The following OSBPL11 variants were observed in gnomAD, a reference collection of about 807,000 sequenced individuals.
OSBPL11 encodes oxysterol binding protein like 11, also known as oxysterol-binding protein-related protein 11.
In OSBPL11, 33 loss-of-function variants were observed where a neutral mutation model predicts 84.4. That is an observed-to-expected ratio of 0.39 (90% CI 0.30 to 0.52). OSBPL11 has a LOEUF of 0.52. Among genes scored for constraint, OSBPL11 ranks in the 20% least tolerant of loss-of-function variants. OSBPL11 has a pLI of 0.72. For missense variants in OSBPL11, 736 were observed against 901.1 expected, an observed-to-expected ratio of 0.82 and a Z score of 2.35; for synonymous variants, 276 against 310.2, an observed-to-expected ratio of 0.89 and a Z score of 1.16.
chr3:125,552,355 G>C lies in OSBPL11; in HGVS notation c.1480C>G (p.Gln494Glu). ...HAPLSGESLT[Q>E]VGSDCYTVRF... ...ACTGTGTAACAGTCTGATCCCACCT[G>C]GGTCAAAGACTCCCCCGATAAAGGA... Residue 494 changes from glutamine to glutamate, a missense_variant, in exon 9 of 13, where the codon CAG (glutamine) becomes GAG (glutamate). By Grantham distance (29) the Gln-to-Glu change is conservative. Coordinates refer to ENST00000296220, the MANE Select transcript of OSBPL11 (RefSeq NM_022776.5). The C allele has an allele frequency of 6.2e-7, 1 of 1,613,994 alleles. No homozygotes were observed. Among genetic ancestry groups the C allele is most frequent in the Non-Finnish European group, 8.5e-7 (1 of 1,179,998 alleles).
At chr3:125,555,991 C>T (rs923877674) in intron 8 of OSBPL11, among the ~76,000 whole-genome samples, 1 of 152,152 alleles carries the variant, frequency 6.6e-6, no homozygotes, top group Admixed American at 6.6e-5. Context: ...CCACAAGTAA[C>T]AAATTCTATC....
At chr3:125,588,248 G>T (rs1168443966) in intron 1 of OSBPL11, among the ~76,000 whole-genome samples, 2 of 148,028 alleles carry the variant, frequency 1.4e-5, no homozygotes, top group East Asian at 3.9e-4. Flanking sequence ...AAAAAGAGAA[G>T]TTCAGTGCTA....
At chr3:125,543,910 A>G (rs996234687) in intron 10 of OSBPL11, among the ~76,000 whole-genome samples, 3 of 152,164 alleles carry the variant, frequency 2.0e-5, no homozygotes, top group East Asian at 3.8e-4. Context: ...AAAAATAAAA[A>G]TAAAAAAAAT....
intron 1 of OSBPL11, among the ~76,000 whole-genome samples, chr3:125,589,177 C>T (rs1036254800): frequency 3.3e-5 from 5 of 151,972 alleles, no homozygotes; most frequent in East Asian, 1.9e-4. Context: ...GGTGGAACCC[C>T]GTCTCTACCA....
intron 11 of OSBPL11, among the ~76,000 whole-genome samples, chr3:125,537,105 A>G (rs1466968379): frequency 6.8e-6 from 1 of 147,360 alleles, no homozygotes; most frequent in Non-Finnish European, 1.5e-5. Context: ...AGTTGCAGGG[A>G]GCCGAGATCG....
At position 125,556,288 on chromosome 3, in the gene OSBPL11, T is replaced by C. The variant is rs116712659; in HGVS notation, c.1156-3609A>G. Among the ~76,000 whole-genome samples, 566 of 152,304 alleles carry C rather than the reference T, an allele frequency of 3.7e-3. 1 individual carries two copies. Among genetic ancestry groups the C allele is most frequent in the African/African-American group, 0.013 (535 of 41,574 alleles). On this transcript the variant is annotated intron_variant, in intron 8 of 12. Transcript: ENST00000296220. Reference sequence around the variant, plus strand: ...CATCTTTTCAAACCTCAGGATAAAATAGCCTAGTGAAACTGATCCCAAGTG... The same window carrying C: ...CATCTTTTCAAACCTCAGGATAAAACAGCCTAGTGAAACTGATCCCAAGTG...
At chr3:125,548,043 A>AT (rs1340479378) in intron 9 of OSBPL11, among the ~76,000 whole-genome samples, 2 of 151,860 alleles carry the variant, frequency 1.3e-5, no homozygotes, top group Non-Finnish European at 2.9e-5. Flanking sequence ...TACCTAGCTA[A>AT]TTTTTTTGTA....
At chr3:125,545,312 T>C (rs1385407536) in intron 10 of OSBPL11, among the ~76,000 whole-genome samples, 1 of 152,232 alleles carries the variant, frequency 6.6e-6, no homozygotes, top group Non-Finnish European at 1.5e-5. Flanking sequence ...GGGAAGTATG[T>C]TGAGCATCAT....
intron 10 of OSBPL11, among the ~76,000 whole-genome samples, chr3:125,541,683 TCCA>T (rs1365069097): frequency 6.6e-6 from 1 of 152,176 alleles, no homozygotes; most frequent in Non-Finnish European, 1.5e-5. Flanking sequence ...GATCAAGCCA[TCCA>T]CCCGCCTCAA....
At position 125,580,025 on chromosome 3, in the gene OSBPL11, G is replaced by A; in HGVS notation, c.249C>T (p.Asn83=). The change falls in exon 3 of 13, where the codon AAC becomes AAT. Residue 83 remains asparagine, a synonymous_variant. Transcript: ENST00000296220. ...TGWQYRFFVL[N]NEAGLLEYFV... ...AGTACTCCAACAGCCCAGCTTCATT[G>A]TTTAAAACAAAAAACCTGTAATGAT... The A allele has an allele frequency of 1.2e-6, 2 of 1,605,522 alleles. No homozygotes were observed. Among genetic ancestry groups the A allele is most frequent in the Non-Finnish European group, 1.7e-6 (2 of 1,177,728 alleles).
intron 12 of OSBPL11, among the ~76,000 whole-genome samples, chr3:125,531,067 C>T (rs141514238): frequency 0.015 from 2,268 of 151,956 alleles, 22 homozygotes; most frequent in Non-Finnish European, 0.024. Flanking sequence ...CTGCAACCTC[C>T]GCCTCCCTGG....
At chr3:125,543,435 T>G (rs1367095064) in intron 10 of OSBPL11, among the ~76,000 whole-genome samples, 1 of 151,872 alleles carries the variant, frequency 6.6e-6, no homozygotes, top group African/African-American at 2.4e-5. Context: ...CCCAGCCTAG[T>G]AAGATATTTT....
intron 4 of OSBPL11, among the ~76,000 whole-genome samples, chr3:125,576,744 C>T (rs373972555): frequency 6.6e-6 from 1 of 151,386 alleles, no homozygotes; most frequent in South Asian, 2.1e-4. Context: ...AGTGCAGTGG[C>T]GTGATCTTGG....
intron 7 of OSBPL11, among the ~76,000 whole-genome samples, chr3:125,562,268 A>G (rs1024182431): frequency 9.9e-5 from 15 of 152,214 alleles, no homozygotes; most frequent in African/African-American, 2.9e-4. Flanking sequence ...CAAGCAGATT[A>G]TAAGTCTCTT....
chr3:125,530,449 C>T lies in OSBPL11; in HGVS notation c.*66G>A, dbSNP rs573410943. 13 of 1,431,164 alleles carry T rather than the reference C, an allele frequency of 9.1e-6. No individual in the cohort carries two copies. The East Asian group carries it at 2.7e-4, about 30-fold the overall frequency. 88.7% of individuals were successfully genotyped at this position (1,431,164 alleles called of 1,614,324 possible). A position where few individuals can be genotyped will look rare whatever the true frequency, so the allele number is the denominator to read the frequency against. On this transcript the variant is annotated 3_prime_UTR_variant, in exon 13 of 13. Transcript: ENST00000296220. Reference sequence around the variant, plus strand: ...AAGCAGGTCACTCAGTGCAATGACTCCATTCTGGGAGGATTTAGGGTAAAC... The same window carrying T: ...AAGCAGGTCACTCAGTGCAATGACTTCATTCTGGGAGGATTTAGGGTAAAC...
chr3:125,589,157 T>G (rs1936560144), intron 1 of OSBPL11, among the ~76,000 whole-genome samples: 1 of 152,066 alleles, frequency 6.6e-6, no homozygotes, highest in African/African-American at 2.4e-5. Flanking sequence ...GAAATCAGCC[T>G]GGCCAACATG....
At chr3:125,557,346 G>A (rs1223007874) in intron 8 of OSBPL11, among the ~76,000 whole-genome samples, 1 of 152,096 alleles carries the variant, frequency 6.6e-6, no homozygotes, top group Admixed American at 6.6e-5. Context: ...AGGTAGCTGT[G>A]ACTGCAGTTT....
intron 9 of OSBPL11, among the ~76,000 whole-genome samples, chr3:125,548,898 T>C (rs1935859020): frequency 6.6e-6 from 1 of 152,112 alleles, no homozygotes; most frequent in African/African-American, 2.4e-5. Context: ...GTATTGCTCT[T>C]AATAGTCTTC....
intron 2 of OSBPL11, among the ~76,000 whole-genome samples, chr3:125,581,355 G>C (rs1376803617): frequency 6.6e-6 from 1 of 150,574 alleles, no homozygotes; most frequent in Non-Finnish European, 1.5e-5. Flanking sequence ...GCCTCCCAAA[G>C]TGCTTGGATT....
Sources: allele counts gnomAD v4.1 joint callset (sites outside exome capture counted in the v4.1 genomes callset), GRCh38; gene constraint gnomAD v4.1.1; transcripts MANE v1.5; gene names NCBI Gene and HGNC (gene_info 2026-07-23, HGNC 2026-07-21).